The following LY86 variants were observed in gnomAD, a reference collection of about 807,000 sequenced individuals.
The protein encoded by LY86 is MD-1, RP105-associated.
LY86 carries 20 observed loss-of-function variants against 17.3 expected under a neutral mutation model. That is an observed-to-expected ratio of 1.15 (90% CI 0.81 to 1.68). LY86 has a LOEUF of 1.68. LY86 is among the 40% of genes most tolerant of loss of function. The pLI, the probability that LY86 is intolerant of heterozygous loss-of-function variation, is 0.00. For synonymous variants in LY86, 74 were observed against 70.6 expected, an observed-to-expected ratio of 1.05 and a Z score of -0.24; for missense variants, 200 against 191.9, an observed-to-expected ratio of 1.04 and a Z score of -0.25.
intron 3 of LY86, among the ~76,000 whole-genome samples, chr6:6,645,388 C>T (rs910676924): frequency 2.6e-5 from 4 of 152,108 alleles, no homozygotes; most frequent in African/African-American, 9.7e-5. Context: ...TTCTCCAGTC[C>T]TCTCAGTGCT....
rs534843852 is a variant in LY86 at position 6,606,032 on chromosome 6, A to C, written c.136+17162A>C. Reference sequence around the variant, plus strand: ...AAGAACAAAACTTCCACAGCACGTAATACTACTCAAGCAGGTTACTGCTGC... The same window carrying C: ...AAGAACAAAACTTCCACAGCACGTACTACTACTCAAGCAGGTTACTGCTGC... On this transcript the variant is annotated intron_variant, in intron 1 of 4. Transcript: ENST00000230568. Among the ~76,000 whole-genome samples, 7 of 152,320 alleles carry C rather than the reference A, an allele frequency of 4.6e-5. No individual in the cohort carries two copies. The South Asian group carries it at 8.3e-4, about 18-fold the overall frequency.
intron 1 of LY86, among the ~76,000 whole-genome samples, chr6:6,606,758 G>A (rs1448252581): frequency 6.6e-6 from 1 of 152,214 alleles, no homozygotes; most frequent in Non-Finnish European, 1.5e-5. Flanking sequence ...CGGAACTCGC[G>A]CTGGCCCGCA....
chr6:6,651,394 A>G (rs557599031), intron 4 of LY86, among the ~76,000 whole-genome samples: 18 of 151,992 alleles, frequency 1.2e-4, no homozygotes, highest in Non-Finnish European at 2.1e-4. Context: ...TCAGATTCCC[A>G]CTATCATTGC....
At chr6:6,612,812 C>G (rs1761420122) in intron 1 of LY86, among the ~76,000 whole-genome samples, 1 of 152,142 alleles carries the variant, frequency 6.6e-6, no homozygotes, top group Non-Finnish European at 1.5e-5. Flanking sequence ...ACACAGAGTG[C>G]TGATTGGTGT....
chr6:6,625,534 C>A lies in LY86; in HGVS notation c.223+522C>A, dbSNP rs2113140894. The stretch of plus-strand genomic sequence containing the variant: ...TCTGATTGTTTAATTTTCATATGAT[C>A]ATGCAATTATAGTTGGTCAATATAT... On this transcript the variant is annotated intron_variant, in intron 2 of 4. Coordinates refer to ENST00000230568, the MANE Select transcript of LY86 (RefSeq NM_004271.4). Among the ~76,000 whole-genome samples, 2 of 152,284 alleles carry A rather than the reference C, an allele frequency of 1.3e-5. 1 individual carries two copies. The highest frequency in any genetic ancestry group is 3.9e-4 in the East Asian group (2 of 5,190).
At chr6:6,640,729 CAA>C in intron 3 of LY86, among the ~76,000 whole-genome samples, 1 of 137,070 alleles carries the variant, frequency 7.3e-6, no homozygotes, top group Non-Finnish European at 1.6e-5. Flanking sequence ...CAAAACAAAA[CAA>C]AAAAAAAAGA....
intron 1 of LY86, among the ~76,000 whole-genome samples, chr6:6,612,542 G>A (rs144620848): frequency 1.2e-3 from 190 of 152,266 alleles, no homozygotes; most frequent in African/African-American, 4.4e-3. Context: ...CCACACAAAA[G>A]CAACGAAACA....
intron 3 of LY86, among the ~76,000 whole-genome samples, chr6:6,647,898 T>A (rs1014594278): frequency 6.6e-6 from 1 of 151,926 alleles, no homozygotes; most frequent in Non-Finnish European, 1.5e-5. Flanking sequence ...AATTCCAGAC[T>A]TGTATAGCCA....
intron 1 of LY86, among the ~76,000 whole-genome samples, chr6:6,610,767 A>T (rs1761312004): frequency 6.6e-6 from 1 of 152,176 alleles, no homozygotes; most frequent in African/African-American, 2.4e-5. Flanking sequence ...TCACACTATG[A>T]GCACAAATGG....
chr6:6,619,533 T>C (rs535625676), intron 1 of LY86, among the ~76,000 whole-genome samples: 2 of 152,378 alleles, frequency 1.3e-5, no homozygotes, highest in East Asian at 3.9e-4. Flanking sequence ...CTAGAGGCAG[T>C]CTTGCCAGTG....
At chr6:6,598,070 G>A (rs542958611) in intron 1 of LY86, among the ~76,000 whole-genome samples, 19 of 152,208 alleles carry the variant, frequency 1.2e-4, no homozygotes, top group South Asian at 1.0e-3. Context: ...CAATTTAGTC[G>A]TCTTATATTG....
intron 1 of LY86, among the ~76,000 whole-genome samples, chr6:6,614,373 G>GTC (rs1231010967): frequency 1.6e-5 from 2 of 128,978 alleles, no homozygotes; most frequent in African/African-American, 5.9e-5. Flanking sequence ...TTATAATCAC[G>GTC]TCTCTTTTTT....
At chr6:6,605,968 C>T (rs891191007) in intron 1 of LY86, among the ~76,000 whole-genome samples, 3 of 152,120 alleles carry the variant, frequency 2.0e-5, no homozygotes, top group Admixed American at 6.5e-5. Flanking sequence ...AGCGTGGACC[C>T]AAAGAGCGAC....
At chr6:6,611,553 A>G (rs893113051) in intron 1 of LY86, among the ~76,000 whole-genome samples, 4 of 152,234 alleles carry the variant, frequency 2.6e-5, no homozygotes, top group African/African-American at 7.2e-5. Context: ...AATATACTTA[A>G]GATGAATGGA....
intron 3 of LY86, among the ~76,000 whole-genome samples, chr6:6,643,425 T>C (rs1000618942): frequency 5.3e-5 from 8 of 152,344 alleles, no homozygotes; most frequent in African/African-American, 1.4e-4. Flanking sequence ...AAACATTGCA[T>C]GATCTCACTT....
intron 1 of LY86, among the ~76,000 whole-genome samples, chr6:6,594,297 G>A (rs1257589967): frequency 6.6e-6 from 1 of 152,218 alleles, no homozygotes; most frequent in Admixed American, 6.5e-5. Flanking sequence ...TGGCCTGTGA[G>A]CTAGGGATGA....
chr6:6,636,648 C>T (rs545531769), intron 3 of LY86, among the ~76,000 whole-genome samples: 2 of 152,200 alleles, frequency 1.3e-5, no homozygotes, highest in Non-Finnish European at 2.9e-5. Context: ...CGAAGTTTCC[C>T]TGGCCCTCTT....
chr6:6,593,043 C>T (rs572343413), intron 1 of LY86, among the ~76,000 whole-genome samples: 2 of 152,308 alleles, frequency 1.3e-5, no homozygotes, highest in South Asian at 2.1e-4. Flanking sequence ...AGGGTGTATT[C>T]GTTTCCTGTT....
intron 1 of LY86, among the ~76,000 whole-genome samples, chr6:6,595,182 AAG>A (rs1345086559): frequency 6.6e-6 from 1 of 150,900 alleles, no homozygotes; most frequent in Non-Finnish European, 1.5e-5. Flanking sequence ...GAGGAGGAAA[AAG>A]AGGAAAAGGA....
Sources: allele counts gnomAD v4.1 joint callset (sites outside exome capture counted in the v4.1 genomes callset), GRCh38; gene constraint gnomAD v4.1.1; transcripts MANE v1.5; gene names NCBI Gene and HGNC (gene_info 2026-07-23, HGNC 2026-07-21).